INSR: variants seen among roughly 807,000 people sequenced by gnomAD.
INSR encodes insulin receptor, also known as IR.
Under a neutral mutation model 142.6 loss-of-function variants are expected in INSR, and 67 were observed. That is an observed-to-expected ratio of 0.47 (90% CI 0.39 to 0.58). The LOEUF (loss-of-function observed/expected upper bound fraction) is 0.58. Ranked by LOEUF, INSR falls within the 20% of genes least tolerant of loss-of-function variation. INSR has a pLI of 0.00. For synonymous variants in INSR, 756 were observed against 743.1 expected, an observed-to-expected ratio of 1.02 and a Z score of -0.28; for missense variants, 1,248 against 1,833.2, an observed-to-expected ratio of 0.68 and a Z score of 5.83.
Position 7,170,234 on chromosome 19 carries a change from G to A in INSR, c.1483+303C>T, listed in dbSNP as rs538738463. On this transcript the variant is annotated intron_variant, in intron 6 of 21. Coordinates refer to ENST00000302850, the MANE Select transcript of INSR (RefSeq NM_000208.4). ...GTGAACTGTGTACATGAGGTACCTA[G>A]ACTGCACACTCCTTATGAAAATCTA... is the stretch of plus-strand genomic sequence containing the variant. Among the ~76,000 whole-genome samples the A allele has an allele frequency of 1.9e-4, 29 of 151,830 alleles. No homozygotes were observed. The South Asian group carries it at 5.9e-3, about 31-fold the overall frequency.
chr19:7,212,541 AGCAGGCAG>A (rs1409602050), intron 2 of INSR, among the ~76,000 whole-genome samples: 1 of 152,200 alleles, frequency 6.6e-6, no homozygotes, highest in Non-Finnish European at 1.5e-5. Context: ...CTTCCAGTCT[AGCAGGCAG>A]GCAGGCAGAA....
rs1372461903 is a variant in INSR at position 7,184,652 on chromosome 19, A to T, written c.653-15T>A. The T allele has an allele frequency of 1.3e-6, 2 of 1,510,854 alleles. No individual in the cohort carries two copies. The highest frequency in any genetic ancestry group is 1.8e-6 in the Non-Finnish European group (2 of 1,104,122). The allele number at this position is 1,510,854 out of a possible 1,614,324, so 93.6% of individuals were successfully genotyped here. ...GGTCGGGCAAACTGGAGAGAGAGAG[A>T]GAGAGAGAGGGAAATAAATAAATAA... On this transcript the variant is annotated splice_polypyrimidine_tract_variant and intron_variant, in intron 2 of 21. Transcript: ENST00000302850.
chr19:7,174,444 TG>T, intron 4 of INSR, 138 bp downstream of exon 4: 2 of 904,554 alleles, frequency 2.2e-6, no homozygotes, highest in Non-Finnish European at 3.6e-6. Context: ...GTTCTATCCA[TG>T]GGGGAGCCAC....
intron 10 of INSR, among the ~76,000 whole-genome samples, chr19:7,151,158 CTTTCTCTTTCTT>C (rs972190672): frequency 1.5e-3 from 11 of 7,154 alleles, no homozygotes; most frequent in African/African-American, 2.2e-3. Context: ...TCCTTTCTTT[CTTTCTCTTTCTT>C]TCTTTCTTTC....
chr19:7,270,973 AAT>A, intron 1 of INSR, among the ~76,000 whole-genome samples: 1 of 149,796 alleles, frequency 6.7e-6, no homozygotes, highest in East Asian at 2.0e-4. Context: ...GAGGCAGGAG[AAT>A]GGCATGAACC....
chr19:7,118,229 G>A (rs571515751), intron 21 of INSR, among the ~76,000 whole-genome samples: 37 of 151,856 alleles, frequency 2.4e-4, no homozygotes, highest in South Asian at 1.0e-3. Context: ...GTGACACAGC[G>A]AGACTTCATC....
intron 1 of INSR, among the ~76,000 whole-genome samples, chr19:7,289,283 T>C (rs1328143345): frequency 1.3e-5 from 2 of 151,724 alleles, no homozygotes; most frequent in Non-Finnish European, 2.9e-5. Context: ...CAGGGAGGAC[T>C]GGCCTGGGGA....
In INSR at chr19:7,150,760, G is replaced by A. The variant is rs995110475; in HGVS notation, c.2232-228C>T. ...ATCAGAGAAAATTCTCCCCAGAGACGGCCTGCTGAGGTGGCCCTGGGATGT... is the reference window on the plus strand; with the variant it reads ...ATCAGAGAAAATTCTCCCCAGAGACAGCCTGCTGAGGTGGCCCTGGGATGT... On this transcript the variant is annotated intron_variant, in intron 10 of 21. Coordinates refer to ENST00000302850, the MANE Select transcript of INSR (RefSeq NM_000208.4). The surrounding 1 kb of genome is among the most constrained non-coding windows in gnomAD (Gnocchi z 4.2). Among the ~76,000 whole-genome samples the A allele has an allele frequency of 1.3e-5, 2 of 152,166 alleles. No individual in the cohort carries two copies. The highest frequency in any genetic ancestry group is 2.9e-5 in the Non-Finnish European group (2 of 68,028).
rs879746925 is a variant in INSR, at chr19:7,152,502, C to T, written c.2231+224G>A. 2.7e-5 allele frequency: 16 copies of T among 597,302 alleles called. No homozygotes were observed. In the Admixed American group the frequency reaches 4.2e-4, roughly 16 times the overall value. 37.0% of individuals were successfully genotyped at this position (597,302 alleles called of 1,614,324 possible). The stretch of plus-strand genomic sequence containing the variant: ...AGAAAGGCAAATGCTGAGTTTTGTC[C>T]ATTTTTCCCCTTTTGTGCGATTATT... On this transcript the variant is annotated intron_variant, in intron 10 of 21. Coordinates refer to ENST00000302850, the MANE Select transcript of INSR (RefSeq NM_000208.4).
At chr19:7,266,803 G>A (rs186173434) in intron 2 of INSR, among the ~76,000 whole-genome samples, 78 of 152,238 alleles carry the variant, frequency 5.1e-4, no homozygotes, top group Admixed American at 9.8e-4. Context: ...GGCGACATGC[G>A]TTGTGGAATA....
rs563646336 is a variant in INSR at position 7,258,527 on chromosome 19, G to A, written c.652+8818C>T. Among the ~76,000 whole-genome samples the A allele has an allele frequency of 4.7e-4, 70 of 149,744 alleles. 6 individuals are homozygous for A. Among genetic ancestry groups the A allele is most frequent in the African/African-American group, 1.6e-3 (64 of 40,872 alleles). ...GCTGATCACTGGGCAAAGGCCTTAC[G>A]TCAGACAAGTCTGAAGTCAAACCAT... On this transcript the variant is annotated intron_variant, in intron 2 of 21. Transcript: ENST00000302850.
At chr19:7,193,944 C>A (rs549369549) in intron 2 of INSR, among the ~76,000 whole-genome samples, 1 of 119,852 alleles carries the variant, frequency 8.3e-6, no homozygotes, top group Non-Finnish European at 1.7e-5. Flanking sequence ...TCAAGAGATC[C>A]GCTCTCCCCG....
rs117823189 is a variant in INSR, at chr19:7,153,359, C to A, written c.2030-432G>T. 2.2e-3 allele frequency among the ~76,000 whole-genome samples: 39 copies of A among 17,938 alleles called. 4 individuals carry two copies. In the East Asian group the frequency reaches 0.029, roughly 13 times the overall value. 11.8% of individuals were successfully genotyped at this position (17,938 alleles called of 152,430 possible). Reference sequence around the variant, plus strand: ...ACGCCACACACCACAGACCACACACCACACACCCCACACACACCATACACG... The same window carrying A: ...ACGCCACACACCACAGACCACACACAACACACCCCACACACACCATACACG... On this transcript the variant is annotated intron_variant, in intron 9 of 21. Transcript: ENST00000302850.
intron 1 of INSR, among the ~76,000 whole-genome samples, chr19:7,287,913 C>T (rs998504438): frequency 2.6e-5 from 4 of 152,132 alleles, no homozygotes; most frequent in South Asian, 4.1e-4. Context: ...CTCAACCTGC[C>T]GTGTCGGGGC....
chr19:7,221,378 AAGGAGGAGGAGG>A (rs71177175), intron 2 of INSR, among the ~76,000 whole-genome samples: 5 of 140,058 alleles, frequency 3.6e-5, no homozygotes, highest in African/African-American at 1.3e-4. Context: ...TGTCAAAAAA[AAGGAGGAGGAGG>A]AGGAGGAGGA....
At position 7,119,791 on chromosome 19, in the gene INSR, C is replaced by G. The variant is rs753484254; in HGVS notation, c.3660-208G>C. Reference sequence around the variant, plus strand: ...AAACACGCATGCGCACACATGCACACACAAATATGCAAACACACAAACACA... The same window carrying G: ...AAACACGCATGCGCACACATGCACAGACAAATATGCAAACACACAAACACA... On this transcript the variant is annotated intron_variant, in intron 20 of 21. Coordinates refer to ENST00000302850, the MANE Select transcript of INSR (RefSeq NM_000208.4). This position sits in a 1 kb window ranked among gnomAD's most constrained non-coding sequence, Gnocchi z 5.2. 1.3e-5 allele frequency among the ~76,000 whole-genome samples: 2 copies of G among 150,940 alleles called. No homozygotes were observed. The highest frequency in any genetic ancestry group is 3.0e-5 in the Non-Finnish European group (2 of 67,794).
At chr19:7,153,063 A>AC in intron 9 of INSR, 136 bp from the exon 10 acceptor site, 1 of 473,348 alleles carries the variant, frequency 2.1e-6, no homozygotes, top group Non-Finnish European at 3.9e-6. Flanking sequence ...CCACACACAC[A>AC]CACCACACAC....
rs138717528 is a variant in INSR at position 7,289,204 on chromosome 19, G to A, written c.100+4588C>T. On this transcript the variant is annotated intron_variant, in intron 1 of 21. Transcript: ENST00000302850. The stretch of plus-strand genomic sequence containing the variant: ...TGAGAGATTAACTTCGAGAGCCATC[G>A]GTAAAGCAGCGGAGATGCAAGCCAG... Among the ~76,000 whole-genome samples, 961 of 151,914 alleles carry A rather than the reference G, an allele frequency of 6.3e-3. 11 individuals carry two copies. Among genetic ancestry groups the A allele is most frequent in the African/African-American group, 0.022 (917 of 41,444 alleles).
intron 12 of INSR, among the ~76,000 whole-genome samples, chr19:7,142,389 C>CAAAAAAAAAAAAAAAAAAAAAAAAA (rs34453877): frequency 2.4e-5 from 1 of 42,148 alleles, no homozygotes; most frequent in Non-Finnish European, 4.1e-5. Flanking sequence ...GACTTCATCT[C>CAAAAAAAAAAAAAAAAAAAAAAAAA]AAAAAAAAAA....
Sources: allele counts gnomAD v4.1 joint callset (sites outside exome capture counted in the v4.1 genomes callset), GRCh38; gene constraint gnomAD v4.1.1; non-coding constraint Gnocchi (gnomAD v3.1); transcripts MANE v1.5; gene names NCBI Gene and HGNC (gene_info 2026-07-23, HGNC 2026-07-21).